Variants in HABP2 observed in about 807,000 individuals in gnomAD.
The protein encoded by HABP2 is factor VII-activating protease.
Under a neutral mutation model 66.5 loss-of-function variants are expected in HABP2, and 65 were observed. The observed-to-expected ratio is 0.98, with a 90% confidence interval of 0.80 to 1.20. The LOEUF is 1.20. Among genes scored for constraint, HABP2 ranks in the 50% most tolerant of loss-of-function variants. HABP2 has a pLI of 0.00. For missense variants in HABP2, 786 were observed against 691.0 expected, an observed-to-expected ratio of 1.14 and a Z score of -1.54; for synonymous variants, 263 against 253.9, an observed-to-expected ratio of 1.04 and a Z score of -0.34.
chr10:113,578,539 C>G, intron 6 of HABP2, 88 bp from the exon 7 acceptor site: 1 of 852,784 alleles, frequency 1.2e-6, no homozygotes, highest in Non-Finnish European at 1.9e-6. Flanking sequence ...GTCCAGTTCT[C>G]TCACCATGTC....
intron 8 of HABP2, among the ~76,000 whole-genome samples, chr10:113,581,365 C>G (rs996555895): frequency 1.3e-5 from 2 of 152,226 alleles, no homozygotes; most frequent in Non-Finnish European, 2.9e-5. Flanking sequence ...AAGGCACCAC[C>G]TATACAACAT....
At chr10:113,567,903 C>A (rs1215586074) in intron 2 of HABP2, among the ~76,000 whole-genome samples, 1 of 152,212 alleles carries the variant, frequency 6.6e-6, no homozygotes, top group Non-Finnish European at 1.5e-5. Context: ...AAATGCATGG[C>A]TCCAGGCAGG....
chr10:113,582,129 CGAGTAG>C lies in HABP2; in HGVS notation c.1094_1094+5del, dbSNP rs1564680229. 1 of 1,601,676 alleles carries C rather than the reference CGAGTAG, an allele frequency of 6.2e-7. No individual in the cohort carries two copies. Among genetic ancestry groups the C allele is most frequent in the East Asian group, 2.2e-5 (1 of 44,828 alleles). On this transcript the variant is annotated splice_donor_variant and splice_donor_region_variant and coding_sequence_variant and intron_variant, in exon 9 of 13. Coordinates refer to ENST00000351270, the MANE Select transcript of HABP2 (RefSeq NM_004132.5). LOFTEE classifies it high-confidence loss of function. The stretch of plus-strand genomic sequence containing the variant: ...GGGTGCTCACTGCTGCCCACTGCAC[CGAGTAG>C]GTGCCGCTGGGAGCAGGGACCAGGG...
intron 1 of HABP2, among the ~76,000 whole-genome samples, chr10:113,553,422 G>A (rs914681362): frequency 6.6e-6 from 1 of 152,270 alleles, no homozygotes; most frequent in Non-Finnish European, 1.5e-5. Flanking sequence ...CTCCATGAAT[G>A]CATTCCAGCA....
intron 2 of HABP2, among the ~76,000 whole-genome samples, chr10:113,573,021 G>C (rs2133765624): frequency 6.6e-6 from 1 of 152,342 alleles, no homozygotes; most frequent in Non-Finnish European, 1.5e-5. Context: ...CTTAGGTAAA[G>C]TGCCATCCTC....
Position 113,577,209 on chromosome 10 carries a change from C to T in HABP2, c.391C>T (p.Pro131Ser). 1 of 1,613,344 alleles carries T rather than the reference C, an allele frequency of 6.2e-7. No individual in the cohort carries two copies. Among genetic ancestry groups the T allele is most frequent in the Middle Eastern group, 1.7e-4 (1 of 6,060 alleles). The change falls in exon 5 of 13, where the codon CCT (proline) becomes TCT (serine). Residue 131 changes from proline (P) to serine (S), a missense_variant. By Grantham distance (74) the Pro-to-Ser change is moderately conservative. Coordinates refer to ENST00000351270, the MANE Select transcript of HABP2 (RefSeq NM_004132.5). ...GGGCCAATGTCTCATTACCCAGAGTCCTCCCTACTACCGCTGTGTCTGTAA... is the reference window on the plus strand; with the variant it reads ...GGGCCAATGTCTCATTACCCAGAGTTCTCCCTACTACCGCTGTGTCTGTAA... ...GRGQCLITQS[P>S]PYYRCVCKHP... is the part of the protein sequence containing the mutation.
intron 8 of HABP2, 123 bp downstream of exon 8, chr10:113,580,815 C>A: frequency 1.6e-6 from 1 of 616,964 alleles, no homozygotes; most frequent in East Asian, 2.8e-5. Context: ...TACCAATTCC[C>A]ATCCCAGTGC....
At chr10:113,566,024 T>C (rs1020837435) in intron 1 of HABP2, among the ~76,000 whole-genome samples, 1 of 152,222 alleles carries the variant, frequency 6.6e-6, no homozygotes, top group Non-Finnish European at 1.5e-5. Flanking sequence ...TAATTTATCA[T>C]CTACCTAATT....
In HABP2 at chr10:113,580,606, C is replaced by G; in HGVS notation, c.752C>G (p.Ala251Gly). 6.4e-7 allele frequency: 1 copy of G among 1,568,578 alleles called. No individual in the cohort carries two copies. The highest frequency in any genetic ancestry group is 8.8e-7 in the Non-Finnish European group (1 of 1,138,544). Reference protein sequence around the residue: ...GEHNFCRNPDADEKPWCFIKV... With the variant: ...GEHNFCRNPDGDEKPWCFIKV... ...GTTTTGTATTTTAGAAACCCAGATG[C>G]GGACGAAAAGCCCTGGTGCTTTATT... is the stretch of plus-strand genomic sequence containing the variant. Residue 251 changes from alanine to glycine, a missense_variant, in exon 8 of 13, where the codon GCG becomes GGG. Ala to Gly is a moderately conservative substitution (Grantham distance 60). Coordinates refer to ENST00000351270, the MANE Select transcript of HABP2 (RefSeq NM_004132.5).
At position 113,588,564 on chromosome 10, in the gene HABP2, G is replaced by A; in HGVS notation, c.*195G>A. On this transcript the variant is annotated 3_prime_UTR_variant, in exon 13 of 13. Coordinates refer to ENST00000351270, the MANE Select transcript of HABP2 (RefSeq NM_004132.5). ...TGCACAATATCACCAGGCTTCTTCTGCCTCCCTTGGTAACCCAAGGAATGA... is the reference window on the plus strand; with the variant it reads ...TGCACAATATCACCAGGCTTCTTCTACCTCCCTTGGTAACCCAAGGAATGA... The A allele has an allele frequency of 1.8e-6, 1 of 543,056 alleles. No homozygotes were observed. The highest frequency in any genetic ancestry group is 3.0e-5 in the South Asian group (1 of 32,982). 33.6% of individuals were successfully genotyped at this position (543,056 alleles called of 1,614,324 possible).
At chr10:113,573,418 G>A (rs1355692938) in intron 2 of HABP2, among the ~76,000 whole-genome samples, 1 of 152,246 alleles carries the variant, frequency 6.6e-6, no homozygotes, top group Non-Finnish European at 1.5e-5. Flanking sequence ...AGTCAATGGG[G>A]ATGGTGGGAC....
chr10:113,569,436 T>C (rs1845262012), intron 2 of HABP2, among the ~76,000 whole-genome samples: 1 of 152,240 alleles, frequency 6.6e-6, no homozygotes. Context: ...TGATGGTATT[T>C]GTCAGCTCCC....
Position 113,588,989 on chromosome 10 carries a change from C to T in HABP2, c.*620C>T. Reference sequence around the variant, plus strand: ...GTGGACATGGCTCACAACAGCAGGGCCTTCTTCTTTTTGACGTGCAGAATC... The same window carrying T: ...GTGGACATGGCTCACAACAGCAGGGTCTTCTTCTTTTTGACGTGCAGAATC... On this transcript the variant is annotated 3_prime_UTR_variant, in exon 13 of 13. Coordinates refer to ENST00000351270, the MANE Select transcript of HABP2 (RefSeq NM_004132.5). The T allele has an allele frequency of 6.2e-7, 1 of 1,613,532 alleles. No homozygotes were observed.
At chr10:113,568,332 A>G (rs1213862082) in intron 2 of HABP2, among the ~76,000 whole-genome samples, 1 of 152,248 alleles carries the variant, frequency 6.6e-6, no homozygotes, top group Non-Finnish European at 1.5e-5. Context: ...AGCCAGGCAG[A>G]CAACACATGG....
In HABP2 at chr10:113,588,690, ATGCAGACTCCAG is replaced by A. The variant is rs1845726962; in HGVS notation, c.*322_*333del. 3.7e-6 allele frequency: 2 copies of A among 538,060 alleles called. No homozygotes were observed. The highest frequency in any genetic ancestry group is 7.0e-5 in the Admixed American group (2 of 28,774). 33.3% of individuals were successfully genotyped at this position (538,060 alleles called of 1,614,324 possible). ...TGCCTCCACCACAGGCATCCTGCAA[ATGCAGACTCCAG>A]AATCCCCAGCATCAGCGGGAACCAC... On this transcript the variant is annotated 3_prime_UTR_variant, in exon 13 of 13. Coordinates refer to ENST00000351270, the MANE Select transcript of HABP2 (RefSeq NM_004132.5).
chr10:113,574,162 G>A, intron 2 of HABP2, 127 bp from the exon 3 acceptor site: 1 of 638,602 alleles, frequency 1.6e-6, no homozygotes, highest in Non-Finnish European at 2.8e-6. Context: ...GTGCAGAGCT[G>A]GAGAGACACA....
In HABP2 at chr10:113,589,017, A is replaced by G. The variant is rs1845757204; in HGVS notation, c.*648A>G. Reference sequence around the variant, plus strand: ...TCTTCTTTTTGACGTGCAGAATCTCAGTGGCATCTGGGTTCACCTCCCCAC... The same window carrying G: ...TCTTCTTTTTGACGTGCAGAATCTCGGTGGCATCTGGGTTCACCTCCCCAC... On this transcript the variant is annotated 3_prime_UTR_variant, in exon 13 of 13. Transcript: ENST00000351270. 1 of 1,613,846 alleles carries G rather than the reference A, an allele frequency of 6.2e-7. No individual in the cohort carries two copies. The highest frequency in any genetic ancestry group is 1.1e-5 in the South Asian group (1 of 91,078).
chr10:113,567,180 C>T (rs10885474), intron 1 of HABP2, among the ~76,000 whole-genome samples: 1 of 151,756 alleles, frequency 6.6e-6, no homozygotes, highest in Non-Finnish European at 1.5e-5. Flanking sequence ...ACTCACTGCA[C>T]CTGACGAGCA....
In HABP2 at chr10:113,588,823, C is replaced by A. The variant is rs557463836; in HGVS notation, c.*454C>A. 8.9e-5 allele frequency: 59 copies of A among 660,548 alleles called. No individual in the cohort carries two copies. In the East Asian group the frequency reaches 1.4e-3, roughly 16 times the overall value. The allele number at this position is 660,548 out of a possible 1,614,324, so 40.9% of individuals were successfully genotyped here. On this transcript the variant is annotated 3_prime_UTR_variant, in exon 13 of 13. Transcript: ENST00000351270. Reference sequence around the variant, plus strand: ...CAGAGAGGACCACAAATACAACATTCTCCATCTGCTTTCAGAGTTATTATT... The same window carrying A: ...CAGAGAGGACCACAAATACAACATTATCCATCTGCTTTCAGAGTTATTATT...
Sources: allele counts gnomAD v4.1 joint callset (sites outside exome capture counted in the v4.1 genomes callset), GRCh38; gene constraint gnomAD v4.1.1; transcripts MANE v1.5; gene names NCBI Gene and HGNC (gene_info 2026-07-23, HGNC 2026-07-21).